The following DGCR2 variants were observed in gnomAD, a reference collection of about 807,000 sequenced individuals.
DGCR2 encodes the protein DiGeorge syndrome critical region gene 2.
A neutral mutation model predicts 51.6 loss-of-function variants in DGCR2; 24 were observed. That is an observed-to-expected ratio of 0.47 (90% CI 0.34 to 0.65). The LOEUF (loss-of-function observed/expected upper bound fraction) is 0.65, where lower values mean the gene tolerates loss of function less well. Among genes scored for constraint, DGCR2 ranks in the 30% least tolerant of loss-of-function variants. The pLI, the probability that DGCR2 is intolerant of heterozygous loss-of-function variation, is 0.01. For synonymous variants in DGCR2, 340 were observed against 315.4 expected, an observed-to-expected ratio of 1.08 and a Z score of -0.82; for missense variants, 765 against 772.1, an observed-to-expected ratio of 0.99 and a Z score of 0.11.
rs1388010843 is a variant in DGCR2 at position 19,036,485 on chromosome 22, C to G, written c.*2380G>C. 3 of 152,526 alleles carry G rather than the reference C, an allele frequency of 2.0e-5. No homozygotes were observed. Among genetic ancestry groups the G allele is most frequent in the Admixed American group, 2.0e-4 (3 of 15,286 alleles). The allele number at this position is 152,526 out of a possible 1,614,324, so 9.4% of individuals were successfully genotyped here. On this transcript the variant is annotated 3_prime_UTR_variant, in exon 10 of 10. Transcript: ENST00000263196. ...CTGGGCTCTGAGAAACCGTGGCAAGCTGGTCCTAGAGGAGGAGGACCCCTG... is the reference window on the plus strand; with the variant it reads ...CTGGGCTCTGAGAAACCGTGGCAAGGTGGTCCTAGAGGAGGAGGACCCCTG...
chr22:19,080,133 T>G (rs1378121650), intron 2 of DGCR2, among the ~76,000 whole-genome samples: 1 of 152,206 alleles, frequency 6.6e-6, no homozygotes, highest in Non-Finnish European at 1.5e-5. Context: ...TGCTGACATC[T>G]GGAGAGCAGG....
At chr22:19,055,643 G>A (rs1049693437) in intron 6 of DGCR2, among the ~76,000 whole-genome samples, 2 of 152,222 alleles carry the variant, frequency 1.3e-5, no homozygotes, top group South Asian at 2.1e-4. Context: ...AACCAATAAA[G>A]GAGTTTAGAA....
Position 19,068,199 on chromosome 22 carries a change from G to T in DGCR2, c.229C>A (p.His77Asn). Reference sequence around the variant, plus strand: ...CGCGGATCCACAGCCTCCTTCCCATGATGAGGACGCACCTCCCCGGTCACT... The same window carrying T: ...CGCGGATCCACAGCCTCCTTCCCATTATGAGGACGCACCTCCCCGGTCACT... ...PEVTGEVRPH[H>N]GKEAVDPRQG... is the part of the protein sequence containing the mutation. Residue 77 changes from histidine to asparagine, a missense_variant, in exon 3 of 10, where the codon CAT becomes AAT. By Grantham distance (68) the His-to-Asn change is moderately conservative (BLOSUM62 1). Coordinates refer to ENST00000263196, the MANE Select transcript of DGCR2 (RefSeq NM_005137.3). The T allele has an allele frequency of 6.2e-7, 1 of 1,609,644 alleles. No homozygotes were observed. The highest frequency in any genetic ancestry group is 8.5e-7 in the Non-Finnish European group (1 of 1,178,188).
intron 1 of DGCR2, among the ~76,000 whole-genome samples, chr22:19,118,786 T>C (rs1354460840): frequency 1.3e-5 from 2 of 152,228 alleles, no homozygotes; most frequent in Non-Finnish European, 2.9e-5. Context: ...CATGATATAA[T>C]TTTGTTTCAC....
At chr22:19,095,063 A>G (rs1482693778) in intron 1 of DGCR2, among the ~76,000 whole-genome samples, 1 of 152,060 alleles carries the variant, frequency 6.6e-6, no homozygotes, top group Admixed American at 6.6e-5. Flanking sequence ...ATTTATACAT[A>G]TATGAAAACT....
At chr22:19,089,241 G>T in intron 2 of DGCR2, 127 bp downstream of exon 2, 1 of 1,058,322 alleles carries the variant, frequency 9.4e-7, no homozygotes, top group Non-Finnish European at 1.3e-6. Context: ...GAGAGGAAGG[G>T]GTCGGCTCAA....
At position 19,038,050 on chromosome 22, in the gene DGCR2, C is replaced by A; in HGVS notation, c.*815G>T. 1 of 152,788 alleles carries A rather than the reference C, an allele frequency of 6.5e-6. No individual in the cohort carries two copies. The highest frequency in any genetic ancestry group is 1.5e-5 in the Non-Finnish European group (1 of 68,226). The allele number at this position is 152,788 out of a possible 1,614,324, so 9.5% of individuals were successfully genotyped here. On this transcript the variant is annotated 3_prime_UTR_variant, in exon 10 of 10. Coordinates refer to ENST00000263196, the MANE Select transcript of DGCR2 (RefSeq NM_005137.3). ...TGGAGAGACAGGAGGCAGCTCAGTC[C>A]CCAGACCCCAGCAGAGCATCTGGGG...
intron 1 of DGCR2, among the ~76,000 whole-genome samples, chr22:19,108,569 TAAAAAAAA>T (rs55803042): frequency 4.8e-3 from 434 of 90,384 alleles, no homozygotes; most frequent in South Asian, 0.015. Context: ...AGAATTTATC[TAAAAAAAA>T]AAAAAAAAAA....
chr22:19,080,833 C>G (rs970407176), intron 2 of DGCR2, among the ~76,000 whole-genome samples: 1 of 151,712 alleles, frequency 6.6e-6, no homozygotes, highest in Non-Finnish European at 1.5e-5. Flanking sequence ...GACTCTGTCT[C>G]AAAAAAAAGA....
chr22:19,037,864 G>A lies in DGCR2; in HGVS notation c.*1001C>T, dbSNP rs928507820. ...GGCCGCTGGGCACTGAGCTGCAGTA[G>A]TGGCGGTGATGTAAGGAGTGGACTT... On this transcript the variant is annotated 3_prime_UTR_variant, in exon 10 of 10. Transcript: ENST00000263196. The A allele has an allele frequency of 3.9e-5, 6 of 152,660 alleles. No individual in the cohort carries two copies. The highest frequency in any genetic ancestry group is 1.4e-4 in the African/African-American group (6 of 41,440). 9.5% of individuals were successfully genotyped at this position (152,660 alleles called of 1,614,324 possible).
chr22:19,089,303 GCA>G, intron 2 of DGCR2, 63 bp downstream of exon 2: 3 of 1,488,662 alleles, frequency 2.0e-6, no homozygotes, highest in Non-Finnish European at 2.7e-6. Flanking sequence ...CTCACAAGAG[GCA>G]CAGTCACCCA....
At chr22:19,066,656 G>A (rs1018511207) in intron 3 of DGCR2, among the ~76,000 whole-genome samples, 1 of 152,228 alleles carries the variant, frequency 6.6e-6, no homozygotes, top group African/African-American at 2.4e-5. Flanking sequence ...TGTAGGGAGG[G>A]AAGCTGGCTG....
intron 6 of DGCR2, 152 bp downstream of exon 6, chr22:19,056,834 A>C (rs2082608863): frequency 2.4e-6 from 2 of 841,148 alleles, no homozygotes; most frequent in South Asian, 1.9e-5. Flanking sequence ...CAGAGCTGCA[A>C]ATGGGCCCCA....
In DGCR2 at chr22:19,038,898, G is replaced by A; in HGVS notation, c.1620C>T (p.Arg540=). The change falls in exon 10 of 10, where the codon CGC becomes CGT. Residue 540 remains arginine (R), a synonymous_variant. Transcript: ENST00000263196. The part of the protein sequence containing the change: ...PAAEALPGGG[R]HSRSSLNTVV ...CAGTATTGAGGGAGCTGCGGCTGTG[G>A]CGGCCACCCCCTGGCAGTGCCTCTG... 6.2e-7 allele frequency: 1 copy of A among 1,612,904 alleles called. No homozygotes were observed. Among genetic ancestry groups the A allele is most frequent in the Non-Finnish European group, 8.5e-7 (1 of 1,179,910 alleles).
At chr22:19,070,034 G>A (rs918423553) in intron 2 of DGCR2, among the ~76,000 whole-genome samples, 10 of 152,164 alleles carry the variant, frequency 6.6e-5, no homozygotes, top group Admixed American at 5.9e-4. Context: ...CTCAGTGTGG[G>A]ACAGTAACTG....
At chr22:19,084,435 T>A (rs1172939301) in intron 2 of DGCR2, among the ~76,000 whole-genome samples, 5 of 144,054 alleles carry the variant, frequency 3.5e-5, no homozygotes, top group Non-Finnish European at 7.5e-5. Flanking sequence ...GAGGAGCCCC[T>A]CCGCCCGGCA....
At chr22:19,041,992 G>A (rs1237243256) in intron 7 of DGCR2, 33 bp from the exon 8 acceptor site, 1 of 1,602,550 alleles carries the variant, frequency 6.2e-7, no homozygotes, top group East Asian at 2.2e-5. Flanking sequence ...GCCGCTCTGA[G>A]AAGGGGGCCA....
chr22:19,046,748 A>G (rs1042431702), intron 7 of DGCR2: 7 of 445,880 alleles, frequency 1.6e-5, no homozygotes, highest in African/African-American at 1.2e-4. Flanking sequence ...GGCCCAGCTA[A>G]GTCGCTCTGG....
chr22:19,118,633 TCTACCTTACCAAGGGGC>T (rs1232416433), intron 1 of DGCR2, among the ~76,000 whole-genome samples: 3 of 152,154 alleles, frequency 2.0e-5, no homozygotes, highest in Non-Finnish European at 4.4e-5. Context: ...CTTCTAGTCC[TCTACCTTACCAAGGGGC>T]CTAGCTGAGC....
Sources: allele counts gnomAD v4.1 joint callset (sites outside exome capture counted in the v4.1 genomes callset), GRCh38; gene constraint gnomAD v4.1.1; transcripts MANE v1.5; gene names NCBI Gene and HGNC (gene_info 2026-07-23, HGNC 2026-07-21).